LRRC4C: variants seen among roughly 807,000 people sequenced by gnomAD.
The protein encoded by LRRC4C is leucine-rich repeat-containing protein 4C.
LRRC4C carries 5 observed loss-of-function variants against 33.6 expected under a neutral mutation model. The ratio of observed to expected loss-of-function variants is 0.15; its 90% CI spans 0.08 to 0.31. The LOEUF is 0.31. LRRC4C is among the 10% of genes least tolerant of loss of function. The pLI, the probability that LRRC4C is intolerant of heterozygous loss-of-function variation, is 1.00. For missense variants in LRRC4C, 560 were observed against 796.7 expected, an observed-to-expected ratio of 0.70 and a Z score of 3.58; for synonymous variants, 329 against 302.0, an observed-to-expected ratio of 1.09 and a Z score of -0.93.
At chr11:41,180,119 T>C (rs1410444219) in intron 1 of LRRC4C, among the ~76,000 whole-genome samples, 1 of 152,020 alleles carries the variant, frequency 6.6e-6, no homozygotes, top group African/African-American at 2.4e-5. Context: ...GTGTGAAAAA[T>C]GTTTCAGATA....
intron 1 of LRRC4C, among the ~76,000 whole-genome samples, chr11:41,195,821 A>G (rs1295137256): frequency 6.6e-6 from 1 of 152,078 alleles, no homozygotes; most frequent in African/African-American, 2.4e-5. Flanking sequence ...CTTTTAAGTC[A>G]GCATATACAC....
In LRRC4C at chr11:40,483,370, T is replaced by C. The variant is rs544563886; in HGVS notation, c.-269-163649A>G. 1.7e-4 allele frequency among the ~76,000 whole-genome samples: 26 copies of C among 152,270 alleles called. No homozygotes were observed. The South Asian group carries it at 5.2e-3, about 30-fold the overall frequency. ...AGTAGAGAGAAAGAGAGCTCTTTCA[T>C]GTTTGGGATCATGGTGTAGTGACCA... On this transcript the variant is annotated intron_variant, in intron 3 of 6. Transcript: ENST00000528697.
At chr11:40,500,495 C>G (rs111471445) in intron 3 of LRRC4C, among the ~76,000 whole-genome samples, 7 of 151,848 alleles carry the variant, frequency 4.6e-5, no homozygotes, top group Non-Finnish European at 1.0e-4. Context: ...TGTCACAGTT[C>G]CACGTGGCTC....
intron 1 of LRRC4C, among the ~76,000 whole-genome samples, chr11:41,345,394 T>C (rs746766803): frequency 6.6e-6 from 1 of 152,210 alleles, no homozygotes; most frequent in Non-Finnish European, 1.5e-5. Flanking sequence ...TATTCCGCCA[T>C]GGTCTTTAGG....
intron 1 of LRRC4C, among the ~76,000 whole-genome samples, chr11:41,030,042 C>T (rs1323844353): frequency 1.3e-5 from 2 of 151,758 alleles, no homozygotes; most frequent in Non-Finnish European, 2.9e-5. Context: ...AGGAAAATAG[C>T]GTCCAGAAAG....
intron 1 of LRRC4C, among the ~76,000 whole-genome samples, chr11:41,371,624 C>T (rs1234685912): frequency 6.6e-6 from 1 of 152,172 alleles, no homozygotes; most frequent in African/African-American, 2.4e-5. Flanking sequence ...TAGTTTCTGG[C>T]ATTGTGGATT....
rs10682975 is a variant in LRRC4C at position 40,834,911 on chromosome 11, GACAC to G, written c.-407+98720_-407+98723del. On this transcript the variant is annotated intron_variant, in intron 2 of 6. Coordinates refer to ENST00000528697, the MANE Select transcript of LRRC4C (RefSeq NM_001258419.2). ...AGACAGACAGACAGACAGACAGACAGACACACACACACACACACACACACACACA... is the reference window on the plus strand; with the variant it reads ...AGACAGACAGACAGACAGACAGACAGACACACACACACACACACACACACA... Among the ~76,000 whole-genome samples, 286 of 84,934 alleles carry G rather than the reference GACAC, an allele frequency of 3.4e-3. 1 individual carries two copies. Among genetic ancestry groups the G allele is most frequent in the African/African-American group, 9.5e-3 (273 of 28,856 alleles). 55.7% of individuals were successfully genotyped at this position (84,934 alleles called of 152,430 possible). A position where few individuals can be genotyped will look rare whatever the true frequency, so the allele number is the denominator to read the frequency against.
intron 1 of LRRC4C, among the ~76,000 whole-genome samples, chr11:41,229,849 C>T (rs1344202864): frequency 2.6e-5 from 4 of 152,024 alleles, no homozygotes; most frequent in African/African-American, 9.7e-5. Context: ...GATTACTGAT[C>T]TTACCTTGAA....
At chr11:40,570,767 C>G (rs1957951490) in intron 3 of LRRC4C, among the ~76,000 whole-genome samples, 1 of 151,938 alleles carries the variant, frequency 6.6e-6, no homozygotes, top group African/African-American at 2.4e-5. Context: ...CTCTTATCAT[C>G]CAAGACGCTG....
intron 3 of LRRC4C, among the ~76,000 whole-genome samples, chr11:40,441,273 T>A (rs901624196): frequency 2.6e-5 from 4 of 152,202 alleles, no homozygotes; most frequent in African/African-American, 9.7e-5. Context: ...TCTCTTTGAG[T>A]TGCAAATTTG....
intron 5 of LRRC4C, among the ~76,000 whole-genome samples, chr11:40,157,119 C>T (rs982398842): frequency 6.6e-6 from 1 of 151,940 alleles, no homozygotes; most frequent in Non-Finnish European, 1.5e-5. Flanking sequence ...CAGATACAGC[C>T]AACTGATCTC....
chr11:40,849,260 T>C (rs1167078094), intron 2 of LRRC4C, among the ~76,000 whole-genome samples: 1 of 152,232 alleles, frequency 6.6e-6, no homozygotes, highest in Admixed American at 6.5e-5. Flanking sequence ...TTTTGGTTTC[T>C]TTTTGCAGTG....
intron 1 of LRRC4C, among the ~76,000 whole-genome samples, chr11:41,239,889 T>G (rs558905990): frequency 1.3e-5 from 2 of 152,322 alleles, no homozygotes; most frequent in South Asian, 4.1e-4. Flanking sequence ...ATCCTAACAA[T>G]TGCATTTATT....
chr11:40,570,615 G>T (rs1957945889), intron 3 of LRRC4C, among the ~76,000 whole-genome samples: 1 of 152,104 alleles, frequency 6.6e-6, no homozygotes, highest in South Asian at 2.1e-4. Flanking sequence ...GGAAATTATG[G>T]TATTCATTCA....
chr11:40,327,180 A>T (rs1041336458), intron 3 of LRRC4C, among the ~76,000 whole-genome samples: 5 of 152,176 alleles, frequency 3.3e-5, no homozygotes, highest in Admixed American at 1.3e-4. Flanking sequence ...AGAGAAAGAA[A>T]TGTAAGCCTC....
At chr11:40,547,549 A>G (rs1042936828) in intron 3 of LRRC4C, among the ~76,000 whole-genome samples, 3 of 152,042 alleles carry the variant, frequency 2.0e-5, no homozygotes, top group Admixed American at 1.3e-4. Context: ...CTTTAATGCT[A>G]CCTAAATGAA....
At chr11:40,630,330 CTCTTCTTCTTCTTCT>C (rs200043868) in intron 3 of LRRC4C, among the ~76,000 whole-genome samples, 1,893 of 135,538 alleles carry the variant, frequency 0.014, 29 homozygotes, top group South Asian at 0.029. Flanking sequence ...TTTCTTCTTC[CTCTTCTTCTTCTTCT>C]TCTTCTTCTT....
chr11:40,865,511 G>GTGTA (rs1457213207), intron 2 of LRRC4C, among the ~76,000 whole-genome samples: 11 of 147,028 alleles, frequency 7.5e-5, no homozygotes, highest in African/African-American at 1.8e-4. Flanking sequence ...TCCACAGTGT[G>GTGTA]TATATATATA....
At chr11:41,292,670 G>A (rs1950024911) in intron 1 of LRRC4C, among the ~76,000 whole-genome samples, 1 of 151,980 alleles carries the variant, frequency 6.6e-6, no homozygotes, top group Non-Finnish European at 1.5e-5. Flanking sequence ...TCAATTATTT[G>A]TTACTATCCA....
Sources: gnomAD v4.1 joint callset for allele counts (sites outside exome capture counted in the v4.1 genomes callset) on GRCh38, gnomAD v4.1.1 for gene constraint, MANE v1.5 for transcripts, NCBI Gene and HGNC (gene_info 2026-07-23, HGNC 2026-07-21) for gene names.